The following ELSPBP1 variants were observed in gnomAD, a reference collection of about 807,000 sequenced individuals.
ELSPBP1 encodes epididymal sperm-binding protein 1.
In ELSPBP1, 38 loss-of-function variants were observed where a neutral mutation model predicts 33.3. The ratio of observed to expected loss-of-function variants is 1.14; its 90% CI spans 0.88 to 1.50. The LOEUF (loss-of-function observed/expected upper bound fraction) is 1.50, where lower values mean the gene tolerates loss of function less well. Among genes scored for constraint, ELSPBP1 ranks in the 40% most tolerant of loss-of-function variants. The pLI is 0.00. For missense variants in ELSPBP1, 267 were observed against 263.5 expected, an observed-to-expected ratio of 1.01 and a Z score of -0.09; for synonymous variants, 85 against 94.1, an observed-to-expected ratio of 0.90 and a Z score of 0.56.
In ELSPBP1 at chr19:48,019,699, C is replaced by A. The variant is rs73567220; in HGVS notation, c.356-20C>A. 8.7e-4 allele frequency: 1,400 copies of A among 1,609,962 alleles called. 16 individuals are homozygous for A. In the African/African-American group the frequency reaches 0.015, roughly 17 times the overall value. ...TCATCTCCTCTTCTTGACCCGTAACCTTTCCATAATCCTTTTCAGAGTATG... is the reference window on the plus strand; with the variant it reads ...TCATCTCCTCTTCTTGACCCGTAACATTTCCATAATCCTTTTCAGAGTATG... On this transcript the variant is annotated intron_variant, in intron 4 of 6. Transcript: ENST00000339841.
chr19:48,007,336 C>G (rs917250924), intron 1 of ELSPBP1, among the ~76,000 whole-genome samples: 24 of 152,202 alleles, frequency 1.6e-4, no homozygotes, highest in African/African-American at 5.8e-4. Flanking sequence ...CAGCTGTGGT[C>G]CTTTGGTAAG....
chr19:47,996,375 T>C (rs989504940), intron 1 of ELSPBP1, among the ~76,000 whole-genome samples: 3 of 152,200 alleles, frequency 2.0e-5, no homozygotes, highest in African/African-American at 7.2e-5. Context: ...ACTTATTTGA[T>C]GAATGATTGA....
At chr19:48,006,637 AAAAAAAAAAAG>A (rs1243595704) in intron 1 of ELSPBP1, among the ~76,000 whole-genome samples, 1 of 113,534 alleles carries the variant, frequency 8.8e-6, no homozygotes, top group Non-Finnish European at 2.0e-5. Context: ...AAAAAAAAAA[AAAAAAAAAAAG>A]AAAAGAAAAA....
In ELSPBP1 at chr19:48,006,646, AAG is replaced by A. The variant is rs796473729; in HGVS notation, c.-17-2003_-17-2002del. ...CAAAAAAAAAAAAAAAAAAAAAAAA[AAG>A]AAAAGAAAAAGAAAATTTAAGTAAT... On this transcript the variant is annotated intron_variant, in intron 1 of 6. Coordinates refer to ENST00000339841, the MANE Select transcript of ELSPBP1 (RefSeq NM_022142.5). Among the ~76,000 whole-genome samples the A allele has an allele frequency of 6.8e-3, 566 of 82,874 alleles. 13 individuals carry two copies. The highest frequency in any genetic ancestry group is 0.026 in the African/African-American group (538 of 21,074). The allele number at this position is 82,874 out of a possible 152,430, so 54.4% of individuals were successfully genotyped here.
chr19:48,011,138 A>G lies in ELSPBP1; in HGVS notation c.70+2401A>G, dbSNP rs1967071966. On this transcript the variant is annotated intron_variant, in intron 2 of 6. Transcript: ENST00000339841. This position sits in a 1 kb window ranked among gnomAD's most constrained non-coding sequence, Gnocchi z 4.5. ...GATGGTGACAGTGATGATGATGACG[A>G]TGATGATAATGATTATGACAATGAT... 6.6e-6 allele frequency among the ~76,000 whole-genome samples: 1 copy of G among 151,826 alleles called. No homozygotes were observed. Among genetic ancestry groups the G allele is most frequent in the Admixed American group, 6.6e-5 (1 of 15,238 alleles).
rs147073337 is a variant in ELSPBP1, at chr19:48,014,271, C to T, written c.171C>T (p.Ala57=). Residue 57 remains alanine (A), a synonymous_variant, in exon 3 of 7, where the codon GCC becomes GCT. Transcript: ENST00000339841. The part of the protein sequence containing the change: ...HSLSPWCATR[A]VYNGQWKYCQ... ...TATCCCCTTGGTGTGCCACCAGAGC[C>T]GTGTACAACGGCCAGTGGAAGTACT... is the stretch of plus-strand genomic sequence containing the variant. The T allele has an allele frequency of 5.6e-6, 9 of 1,613,878 alleles. No individual in the cohort carries two copies. The East Asian group carries it at 6.7e-5, about 12-fold the overall frequency.
chr19:48,008,665 A>G lies in ELSPBP1; in HGVS notation c.-3A>G, dbSNP rs773927899. On this transcript the variant is annotated 5_prime_UTR_variant, in exon 2 of 7. Coordinates refer to ENST00000339841, the MANE Select transcript of ELSPBP1 (RefSeq NM_022142.5). The stretch of plus-strand genomic sequence containing the variant: ...CTTTTCCACAGAGAAGAGGGCAGCC[A>G]AGATGACCCGATGGTCCAGTTACCT... 2.5e-6 allele frequency: 4 copies of G among 1,613,822 alleles called. No individual in the cohort carries two copies. In the Admixed American group the frequency reaches 6.7e-5, roughly 27 times the overall value.
rs768300479 is a variant in ELSPBP1, at chr19:48,015,906, T to C, written c.222T>C (p.Cys74=). 2 of 1,611,030 alleles carry C rather than the reference T, an allele frequency of 1.2e-6. No homozygotes were observed. The highest frequency in any genetic ancestry group is 2.2e-5 in the South Asian group (2 of 90,964). Residue 74 remains cysteine, a synonymous_variant, in exon 4 of 7, where the codon TGT becomes TGC. Transcript: ENST00000339841. The part of the protein sequence containing the change: ...KYCQSEDYPR[C]IFPFIYRGKA... ...TGTTCCTAACAGATTACCCACGCTG[T>C]ATCTTCCCTTTCATCTATCGAGGAA...
intron 3 of ELSPBP1, among the ~76,000 whole-genome samples, chr19:48,015,100 A>G (rs1967117578): frequency 6.6e-6 from 1 of 152,218 alleles, no homozygotes; most frequent in Non-Finnish European, 1.5e-5. Flanking sequence ...TGTCTTATGT[A>G]TTATATACCG....
At chr19:48,009,596 C>G (rs1042733213) in intron 2 of ELSPBP1, among the ~76,000 whole-genome samples, 1 of 152,248 alleles carries the variant, frequency 6.6e-6, no homozygotes, top group Non-Finnish European at 1.5e-5. Flanking sequence ...GGCTCAGGAA[C>G]CATTTGCATA....
At chr19:48,016,560 CTTCCTTCCTCCCTTCA>C (rs1568407561) in intron 4 of ELSPBP1, among the ~76,000 whole-genome samples, 1 of 90,802 alleles carries the variant, frequency 1.1e-5, no homozygotes, top group Admixed American at 1.1e-4. Flanking sequence ...TCCTTCCTTC[CTTCCTTCCTCCCTTCA>C]TCTCTCTCTT....
At chr19:48,023,532 G>GAAGGAAGAAAGGAAGGACGT (rs1555736363) in intron 6 of ELSPBP1, among the ~76,000 whole-genome samples, 1 of 108,048 alleles carries the variant, frequency 9.3e-6, no homozygotes, top group African/African-American at 3.4e-5. Flanking sequence ...AGGAAGGGAG[G>GAAGGAAGAAAGGAAGGACGT]AAGGAAAGAA....
intron 1 of ELSPBP1, among the ~76,000 whole-genome samples, chr19:47,996,631 A>G (rs1446419056): frequency 6.6e-6 from 1 of 151,954 alleles, no homozygotes; most frequent in Non-Finnish European, 1.5e-5. Flanking sequence ...GAATGGGTGG[A>G]AGGATACATG....
At chr19:48,008,511 G>A (rs1311634995) in intron 1 of ELSPBP1, 140 bp from the exon 2 acceptor site, 3 of 620,218 alleles carry the variant, frequency 4.8e-6, no homozygotes, top group Non-Finnish European at 8.5e-6. Flanking sequence ...TGGGATTACA[G>A]GTGTGAGCTA....
chr19:48,011,535 A>G lies in ELSPBP1; in HGVS notation c.71-2636A>G, dbSNP rs771554219. Among the ~76,000 whole-genome samples the G allele has an allele frequency of 3.0e-4, 45 of 151,812 alleles. No homozygotes were observed. The highest frequency in any genetic ancestry group is 3.5e-4 in the Non-Finnish European group (24 of 67,946). On this transcript the variant is annotated intron_variant, in intron 2 of 6. Coordinates refer to ENST00000339841, the MANE Select transcript of ELSPBP1 (RefSeq NM_022142.5). The surrounding 1 kb of genome is among the most constrained non-coding windows in gnomAD (Gnocchi z 4.5). ...GACAATGATGATGACAATGACTGAT[A>G]ATGATGACAATGATGATGATGACAA...
At chr19:48,018,808 C>T (rs1967168084) in intron 4 of ELSPBP1, among the ~76,000 whole-genome samples, 1 of 151,994 alleles carries the variant, frequency 6.6e-6, no homozygotes, top group Non-Finnish European at 1.5e-5. Context: ...AAAAAAAAAG[C>T]CTGCTAATTA....
At chr19:48,023,481 G>GGGACGGGAGGAGGGAA (rs1967230448) in intron 6 of ELSPBP1, among the ~76,000 whole-genome samples, 1 of 43,780 alleles carries the variant, frequency 2.3e-5, no homozygotes. Context: ...GAAGGGAGGA[G>GGGACGGGAGGAGGGAA]GGAAGGGAGG....
intron 4 of ELSPBP1, 48 bp downstream of exon 4, chr19:48,016,087 A>C: frequency 1.2e-6 from 2 of 1,601,806 alleles, no homozygotes; most frequent in Non-Finnish European, 1.7e-6. Flanking sequence ...GGGAGAGTGG[A>C]CAGCATGGAT....
chr19:48,012,548 T>C (rs1341433066), intron 2 of ELSPBP1, among the ~76,000 whole-genome samples: 5 of 152,200 alleles, frequency 3.3e-5, no homozygotes, highest in Non-Finnish European at 7.3e-5. Flanking sequence ...TTCTGTTGAG[T>C]CCTTCATTAA....
Sources: allele counts gnomAD v4.1 joint callset (sites outside exome capture counted in the v4.1 genomes callset), GRCh38; gene constraint gnomAD v4.1.1; non-coding constraint Gnocchi (gnomAD v3.1); transcripts MANE v1.5; gene names NCBI Gene and HGNC (gene_info 2026-07-23, HGNC 2026-07-21).